Variants in SEC24B observed in about 807,000 individuals in gnomAD.
SEC24B encodes SEC24 homolog B, COPII component, also known as protein transport protein Sec24B.
Under a neutral mutation model 142.8 loss-of-function variants are expected in SEC24B, and 45 were observed. The ratio of observed to expected loss-of-function variants is 0.32; its 90% CI spans 0.25 to 0.40. SEC24B has a LOEUF of 0.40. Among genes scored for constraint, SEC24B ranks in the 10% least tolerant of loss-of-function variants. The pLI is 1.00. For synonymous variants in SEC24B, 574 were observed against 568.2 expected (o/e 1.01, Z -0.15); for missense variants, 1,409 against 1,526.8 (o/e 0.92, Z 1.29).
chr4:109,461,543 G>C (rs1731256305), intron 1 of SEC24B, among the ~76,000 whole-genome samples: 1 of 152,080 alleles, frequency 6.6e-6, no homozygotes, highest in Non-Finnish European at 1.5e-5. Context: ...TAATACTTAA[G>C]GATATTCAGC....
At position 109,526,236 on chromosome 4, in the gene SEC24B, G is replaced by A. The variant is rs1288110073; in HGVS notation, c.2802G>A (p.Met934Ile). ...TTTTCTCCTTTTTAGGTCTTTCAATGCACACTTTTCACGGTAACTTCTTTG... is the reference window on the plus strand; with the variant it reads ...TTTTCTCCTTTTTAGGTCTTTCAATACACACTTTTCACGGTAACTTCTTTG... ...MRIRCTKGLS[M>I]HTFHGNFFVR... The change falls in exon 17 of 24, where the codon ATG becomes ATA. Residue 934 changes from methionine to isoleucine, a missense_variant. Coordinates refer to ENST00000265175, the MANE Select transcript of SEC24B (RefSeq NM_006323.5). The A allele has an allele frequency of 1.2e-6, 2 of 1,613,348 alleles. No homozygotes were observed. The highest frequency in any genetic ancestry group is 1.7e-6 in the Non-Finnish European group (2 of 1,179,704).
chr4:109,491,207 T>G (rs1734986033), intron 4 of SEC24B, 120 bp from the exon 5 acceptor site: 1 of 689,034 alleles, frequency 1.5e-6, no homozygotes, highest in African/African-American at 1.8e-5. Context: ...TCATTTTACT[T>G]TTTTACTAGA....
At chr4:109,437,223 C>G (rs368161188) in intron 1 of SEC24B, among the ~76,000 whole-genome samples, 1 of 152,144 alleles carries the variant, frequency 6.6e-6, no homozygotes, top group East Asian at 1.9e-4. Context: ...AACAAAAATT[C>G]ACACATCTGG....
chr4:109,463,136 C>T lies in SEC24B; in HGVS notation c.369C>T (p.Ala123=), dbSNP rs200240801. Residue 123 remains alanine, a synonymous_variant, in exon 2 of 24, where the codon GCC becomes GCT. Coordinates refer to ENST00000265175, the MANE Select transcript of SEC24B (RefSeq NM_006323.5). ...AQQLYSRGPP[A]PHIVGSTLGS... The stretch of plus-strand genomic sequence containing the variant: ...AGTTGTACAGCAGGGGTCCTCCTGC[C>T]CCTCATATTGTGGGATCCACTCTAG... 1.2e-6 allele frequency: 2 copies of T among 1,613,986 alleles called. No individual in the cohort carries two copies. Among genetic ancestry groups the T allele is most frequent in the Non-Finnish European group, 1.7e-6 (2 of 1,179,928 alleles).
chr4:109,456,334 G>GTTTTTTTTTT (rs70949081), intron 1 of SEC24B, among the ~76,000 whole-genome samples: 153 of 93,844 alleles, frequency 1.6e-3, no homozygotes, highest in East Asian at 2.2e-3. Flanking sequence ...GGTTTTTTTT[G>GTTTTTTTTTT]TTTTTTTTTT....
At chr4:109,443,887 T>C (rs1208166144) in intron 1 of SEC24B, among the ~76,000 whole-genome samples, 2 of 152,244 alleles carry the variant, frequency 1.3e-5, no homozygotes, top group African/African-American at 4.8e-5. Flanking sequence ...TTAAAAAACG[T>C]ACTCTGAGCA....
intron 2 of SEC24B, among the ~76,000 whole-genome samples, chr4:109,465,383 C>T (rs1160662204): frequency 2.6e-5 from 4 of 152,150 alleles, no homozygotes; most frequent in Non-Finnish European, 4.4e-5. Context: ...TGCTGTGAAA[C>T]ACATCTAAAT....
Position 109,468,075 on chromosome 4 carries a change from C to G in SEC24B, c.877+4431C>G, listed in dbSNP as rs886937175. Among the ~76,000 whole-genome samples, 32 of 152,208 alleles carry G rather than the reference C, an allele frequency of 2.1e-4. 1 individual carries two copies. Among genetic ancestry groups the G allele is most frequent in the African/African-American group, 7.7e-4 (32 of 41,542 alleles). On this transcript the variant is annotated intron_variant, in intron 2 of 23. Transcript: ENST00000265175. ...CCTGAGGAAAAGCAAAAGCAAATAC[C>G]TTGTAGGACATGATTATTTGGACAT...
At chr4:109,525,006 A>C in intron 15 of SEC24B, 65 bp downstream of exon 15, 2 of 1,405,146 alleles carry the variant, frequency 1.4e-6, no homozygotes, top group Non-Finnish European at 2.0e-6. Context: ...TTAAATCTAA[A>C]CTCTTCAGTA....
intron 4 of SEC24B, among the ~76,000 whole-genome samples, chr4:109,482,979 T>TATATATATATATATATATATACACAC (rs781527364): frequency 3.8e-5 from 1 of 26,414 alleles, no homozygotes; most frequent in African/African-American, 1.2e-4. Context: ...TATATATATA[T>TATATATATATATATATATATACACAC]ACACACACAC....
intron 10 of SEC24B, among the ~76,000 whole-genome samples, chr4:109,514,600 G>A (rs1437036875): frequency 6.6e-6 from 1 of 152,206 alleles, no homozygotes; most frequent in Non-Finnish European, 1.5e-5. Flanking sequence ...TAGGGAGGCT[G>A]AGGCCGAGAA....
intron 4 of SEC24B, among the ~76,000 whole-genome samples, chr4:109,488,154 G>GT (rs1352876286): frequency 6.6e-6 from 1 of 152,022 alleles, no homozygotes; most frequent in African/African-American, 2.4e-5. Flanking sequence ...AAGTTGTGCT[G>GT]TTCTGCAGTT....
intron 1 of SEC24B, among the ~76,000 whole-genome samples, chr4:109,445,410 A>AT (rs59451230): frequency 7.3e-5 from 9 of 123,800 alleles, no homozygotes; most frequent in African/African-American, 2.8e-4. Context: ...CGCCCAGCTA[A>AT]TTTTTTTTTT....
At chr4:109,511,867 T>G in intron 8 of SEC24B, 90 bp from the exon 9 acceptor site, 1 of 1,293,144 alleles carries the variant, frequency 7.7e-7, no homozygotes, top group Admixed American at 2.3e-5. Context: ...CAATTAAGGT[T>G]TATGTTCTGT....
intron 17 of SEC24B, 77 bp from the exon 18 acceptor site, chr4:109,527,245 G>GAA (rs771923880): frequency 1.0e-6 from 1 of 970,938 alleles, no homozygotes; most frequent in Non-Finnish European, 1.6e-6. Flanking sequence ...AAGAAAGAAA[G>GAA]AAAAAAAGTA....
Position 109,526,302 on chromosome 4 carries a change from T to A in SEC24B, c.2868T>A (p.Pro956=). ...TGTTATCCCTTGCCAACATCAATCC[T>A]GATGCTGGATTTGCGGTGCAGTTGT... is the stretch of plus-strand genomic sequence containing the variant. ...TDLLSLANIN[P]DAGFAVQLSI... The change falls in exon 17 of 24, where the codon CCT becomes CCA. Residue 956 remains proline, a synonymous_variant. Coordinates refer to ENST00000265175, the MANE Select transcript of SEC24B (RefSeq NM_006323.5). 1.2e-6 allele frequency: 2 copies of A among 1,614,024 alleles called. No homozygotes were observed. The highest frequency in any genetic ancestry group is 1.7e-6 in the Non-Finnish European group (2 of 1,179,912).
intron 20 of SEC24B, among the ~76,000 whole-genome samples, chr4:109,532,075 T>A (rs575572879): frequency 6.6e-6 from 1 of 151,988 alleles, no homozygotes; most frequent in South Asian, 2.1e-4. Context: ...CAGGCTGGCC[T>A]CAAACTCCTG....
intron 3 of SEC24B, among the ~76,000 whole-genome samples, chr4:109,477,587 A>G (rs948799321): frequency 6.6e-6 from 1 of 152,066 alleles, no homozygotes; most frequent in Non-Finnish European, 1.5e-5. Flanking sequence ...TGGCCTCCCA[A>G]GGTGCTCAGA....
intron 4 of SEC24B, among the ~76,000 whole-genome samples, chr4:109,483,411 T>TA (rs1257660136): frequency 5.9e-5 from 9 of 152,126 alleles, no homozygotes; most frequent in Non-Finnish European, 1.3e-4. Flanking sequence ...TTGTACATGA[T>TA]ACAGAGTTTT....
Sources: gnomAD v4.1 joint callset for allele counts (sites outside exome capture counted in the v4.1 genomes callset) on GRCh38, gnomAD v4.1.1 for gene constraint, MANE v1.5 for transcripts, NCBI Gene and HGNC (gene_info 2026-07-23, HGNC 2026-07-21) for gene names.